Variants in TIFA observed in about 807,000 individuals in gnomAD.
TIFA encodes TRAF-interacting protein with FHA domain-containing protein A.
For synonymous variants in TIFA, 75 were observed against 79.2 expected (o/e 0.95, Z 0.28); for missense variants, 186 against 215.2 (o/e 0.86, Z 0.85).
At chr4:112,281,555 C>T (rs1286447212) in intron 1 of TIFA, 1 of 152,186 alleles carries the variant, frequency 6.6e-6, no homozygotes, top group African/African-American at 2.4e-5. Context: ...CTGAGGCAGA[C>T]TGCTTTAGTG....
intron 1 of TIFA, among the ~76,000 whole-genome samples, chr4:112,281,159 T>G (rs1307484954): frequency 6.6e-6 from 1 of 152,258 alleles, no homozygotes; most frequent in Non-Finnish European, 1.5e-5. Flanking sequence ...CTGTAAGTGA[T>G]CTCCAGCTTT....
chr4:112,285,545 C>A (rs904932628), intron 1 of TIFA, 95 bp downstream of exon 1: 2 of 152,294 alleles, frequency 1.3e-5, no homozygotes, highest in Admixed American at 6.5e-5. Context: ...CGATCCGACA[C>A]CCCCAAAATC....
In TIFA at chr4:112,277,671, C is replaced by CTCGGTTGTAGCCGTAT; in HGVS notation, c.*190_*191insATACGGCTACAACCGA. 1 of 409,582 alleles carries CTCGGTTGTAGCCGTAT rather than the reference C, an allele frequency of 2.4e-6. No individual in the cohort carries two copies. Among genetic ancestry groups the CTCGGTTGTAGCCGTAT allele is most frequent in the Non-Finnish European group, 4.2e-6 (1 of 240,738 alleles). The allele number at this position is 409,582 out of a possible 1,614,324, so 25.4% of individuals were successfully genotyped here. Reference sequence around the variant, plus strand: ...GCAGTTAAAATAATTTTGTGTAGATCCAGAATACAACAGGTGACTAAGTTA... The same window carrying CTCGGTTGTAGCCGTAT: ...GCAGTTAAAATAATTTTGTGTAGATCTCGGTTGTAGCCGTATCAGAATACAACAGGTGACTAAGTTA... On this transcript the variant is annotated 3_prime_UTR_variant, in exon 2 of 2. Coordinates refer to ENST00000361717, the MANE Select transcript of TIFA (RefSeq NM_052864.3).
chr4:112,285,881 C>T lies in TIFA; in HGVS notation c.-260G>A, dbSNP rs570068842. 18 of 152,408 alleles carry T rather than the reference C, an allele frequency of 1.2e-4. No individual in the cohort carries two copies. The highest frequency in any genetic ancestry group is 8.5e-4 in the Admixed American group (13 of 15,310). The allele number at this position is 152,408 out of a possible 1,614,324, so 9.4% of individuals were successfully genotyped here. ...CCCACTGGCTGGCAGAGCACGTCCT[C>T]TCGCGCCCGGGGCCTTTGTAAAGAG... is the stretch of plus-strand genomic sequence containing the variant. On this transcript the variant is annotated 5_prime_UTR_variant, in exon 1 of 2. Transcript: ENST00000361717.
At chr4:112,280,551 T>A (rs1727210536) in intron 1 of TIFA, among the ~76,000 whole-genome samples, 1 of 151,994 alleles carries the variant, frequency 6.6e-6, no homozygotes, top group Admixed American at 6.6e-5. Context: ...GGTTTTACCA[T>A]GATGCCCAGG....
At chr4:112,281,082 G>A (rs1426730143) in intron 1 of TIFA, among the ~76,000 whole-genome samples, 1 of 152,212 alleles carries the variant, frequency 6.6e-6, no homozygotes, top group Non-Finnish European at 1.5e-5. Context: ...GTCATGGGAT[G>A]ATGCATTAGC....
chr4:112,281,040 A>G (rs1727219971), intron 1 of TIFA, among the ~76,000 whole-genome samples: 1 of 152,250 alleles, frequency 6.6e-6, no homozygotes, highest in South Asian at 2.1e-4. Context: ...CTCATTATTC[A>G]GGAAGCAGAC....
intron 1 of TIFA, among the ~76,000 whole-genome samples, chr4:112,280,558 C>T (rs1213917649): frequency 6.6e-6 from 1 of 151,948 alleles, no homozygotes; most frequent in Non-Finnish European, 1.5e-5. Context: ...CCATGATGCC[C>T]AGGCTGCTCT....
chr4:112,278,366 C>G lies in TIFA; in HGVS notation c.51G>C (p.Gln17His), dbSNP rs772755702. 46 of 1,602,784 alleles carry G rather than the reference C, an allele frequency of 2.9e-5. No individual in the cohort carries two copies. The highest frequency in any genetic ancestry group is 3.3e-5 in the Non-Finnish European group (39 of 1,174,446). The change falls in exon 2 of 2, where the codon CAG (glutamine) becomes CAC (histidine). Residue 17 changes from glutamine to histidine, a missense_variant. Gln to His is a conservative substitution (Grantham distance 24). Transcript: ENST00000361717. Reference protein sequence around the residue: ...ADTEETVTCLQMTVYHPGQLQ... With the variant: ...ADTEETVTCLHMTVYHPGQLQ... Reference sequence around the variant, plus strand: ...ACTGGCCAGGATGGTAAACCGTCATCTGGAGACAAGTTACTGTCTCTTCTG... The same window carrying G: ...ACTGGCCAGGATGGTAAACCGTCATGTGGAGACAAGTTACTGTCTCTTCTG...
At position 112,277,975 on chromosome 4, in the gene TIFA, G is replaced by T; in HGVS notation, c.442C>A (p.Leu148Ile). The stretch of plus-strand genomic sequence containing the variant: ...GGTGGCCAGTTGTTTTCTTGCAAGA[G>T]TGATCTTGGAGATAAAATAAATTGA... ...ETQFILSPRSLLQENNWPPHR... is the reference protein window; with the variant it reads ...ETQFILSPRSILQENNWPPHR... Residue 148 changes from leucine to isoleucine, a missense_variant, in exon 2 of 2, where the codon CTC (leucine) becomes ATC (isoleucine). By Grantham distance (5) the Leu-to-Ile change is conservative (BLOSUM62 2). Coordinates refer to ENST00000361717, the MANE Select transcript of TIFA (RefSeq NM_052864.3). 6.2e-7 allele frequency: 1 copy of T among 1,614,026 alleles called. No individual in the cohort carries two copies. The highest frequency in any genetic ancestry group is 8.5e-7 in the Non-Finnish European group (1 of 1,179,994).
Position 112,276,908 on chromosome 4 carries a change from G to T in TIFA, c.*954C>A, listed in dbSNP as rs753504449. 6.6e-6 allele frequency: 1 copy of T among 152,120 alleles called. No homozygotes were observed. The highest frequency in any genetic ancestry group is 1.5e-5 in the Non-Finnish European group (1 of 68,028). The allele number at this position is 152,120 out of a possible 1,614,324, so 9.4% of individuals were successfully genotyped here. A position where few individuals can be genotyped will look rare whatever the true frequency, so the allele number is the denominator to read the frequency against. The stretch of plus-strand genomic sequence containing the variant: ...TTCATAGCTACCTTAGTTAAGATAA[G>T]TCGAATAAGTATCTTAAATAAATAA... On this transcript the variant is annotated 3_prime_UTR_variant, in exon 2 of 2. Transcript: ENST00000361717.
At chr4:112,285,224 C>T (rs1214289054) in intron 1 of TIFA, among the ~76,000 whole-genome samples, 1 of 152,010 alleles carries the variant, frequency 6.6e-6, no homozygotes, top group East Asian at 1.9e-4. Context: ...CCCAGGGCCC[C>T]TCAGAAAGGT....
chr4:112,281,060 G>A (rs1385649213), intron 1 of TIFA, among the ~76,000 whole-genome samples: 3 of 152,150 alleles, frequency 2.0e-5, no homozygotes, highest in African/African-American at 7.2e-5. Context: ...CAGCATAAAA[G>A]AATAATTATA....
chr4:112,280,343 CTTTTTTTTTT>C (rs34544244), intron 1 of TIFA, among the ~76,000 whole-genome samples: 3 of 76,758 alleles, frequency 3.9e-5, no homozygotes, highest in Admixed American at 1.9e-4. Context: ...CTGGCATTTC[CTTTTTTTTTT>C]TTTTTTTTTT....
rs764430062 is a variant in TIFA at position 112,277,960 on chromosome 4, TG to T, written c.456del (p.Asn152LysfsTer57). On this transcript the variant is annotated frameshift_variant, in exon 2 of 2. Coordinates refer to ENST00000361717, the MANE Select transcript of TIFA (RefSeq NM_052864.3). LOFTEE classifies it low-confidence loss of function (END_TRUNC). ...ILSPRSLLQE[N>X]NWPPHRPIPE... is the part of the protein sequence containing the mutation. The stretch of plus-strand genomic sequence containing the variant: ...GGTATGGGCCTGTGTGGTGGCCAGT[TG>T]TTTTCTTGCAAGAGTGATCTTGGAG... 5.0e-6 allele frequency: 8 copies of T among 1,613,972 alleles called. No individual in the cohort carries two copies. In the East Asian group the frequency reaches 1.8e-4, roughly 36 times the overall value.
chr4:112,277,260 A>G lies in TIFA; in HGVS notation c.*602T>C, dbSNP rs1727133171. Reference sequence around the variant, plus strand: ...TAAATATTTGTCTTAGATGCTGAATATAGACAAAGAGAACTGTCATCTTAG... The same window carrying G: ...TAAATATTTGTCTTAGATGCTGAATGTAGACAAAGAGAACTGTCATCTTAG... On this transcript the variant is annotated 3_prime_UTR_variant, in exon 2 of 2. Transcript: ENST00000361717. 1 of 152,240 alleles carries G rather than the reference A, an allele frequency of 6.6e-6. No homozygotes were observed. The highest frequency in any genetic ancestry group is 6.5e-5 in the Admixed American group (1 of 15,292). The allele number at this position is 152,240 out of a possible 1,614,324, so 9.4% of individuals were successfully genotyped here.
Position 112,277,576 on chromosome 4 carries a change from C to A in TIFA, c.*286G>T, listed in dbSNP as rs1366231285. On this transcript the variant is annotated 3_prime_UTR_variant, in exon 2 of 2. Coordinates refer to ENST00000361717, the MANE Select transcript of TIFA (RefSeq NM_052864.3). ...CAAGCAGAAAAAGAAAATAATATAA[C>A]CTTATTTTGAGAACACGACTTCATC... 8.5e-6 allele frequency: 2 copies of A among 234,188 alleles called. No individual in the cohort carries two copies. Among genetic ancestry groups the A allele is most frequent in the South Asian group, 1.2e-4 (1 of 8,684 alleles). 14.5% of individuals were successfully genotyped at this position (234,188 alleles called of 1,614,324 possible). A position where few individuals can be genotyped will look rare whatever the true frequency, so the allele number is the denominator to read the frequency against.
chr4:112,278,525 G>A lies in TIFA; in HGVS notation c.-18-91C>T, dbSNP rs905072445. 3.9e-5 allele frequency: 43 copies of A among 1,104,394 alleles called. No homozygotes were observed. The African/African-American group carries it at 6.1e-4, about 16-fold the overall frequency. The allele number at this position is 1,104,394 out of a possible 1,614,324, so 68.4% of individuals were successfully genotyped here. On this transcript the variant is annotated intron_variant, in intron 1 of 1. Transcript: ENST00000361717. Reference sequence around the variant, plus strand: ...ACGTTTTGATGAACATCATCTGATAGGCAATTTATCTGGACTTTAAGAAAA... The same window carrying A: ...ACGTTTTGATGAACATCATCTGATAAGCAATTTATCTGGACTTTAAGAAAA...
chr4:112,276,103 C>T lies in TIFA; in HGVS notation c.*1759G>A, dbSNP rs1033271584. On this transcript the variant is annotated 3_prime_UTR_variant, in exon 2 of 2. Coordinates refer to ENST00000361717, the MANE Select transcript of TIFA (RefSeq NM_052864.3). Reference sequence around the variant, plus strand: ...TGGCTTACGACCAACACAAATTTATCATCATAAAGTTTTGTAGGTTAACAA... The same window carrying T: ...TGGCTTACGACCAACACAAATTTATTATCATAAAGTTTTGTAGGTTAACAA... 6 of 152,248 alleles carry T rather than the reference C, an allele frequency of 3.9e-5. No homozygotes were observed. Among genetic ancestry groups the T allele is most frequent in the African/African-American group, 1.4e-4 (6 of 41,454 alleles). The allele number at this position is 152,248 out of a possible 1,614,324, so 9.4% of individuals were successfully genotyped here.
Sources: allele counts gnomAD v4.1 joint callset (sites outside exome capture counted in the v4.1 genomes callset), GRCh38; gene constraint gnomAD v4.1.1; transcripts MANE v1.5; gene names NCBI Gene and HGNC (gene_info 2026-07-23, HGNC 2026-07-21).